Variants in RAPGEF5 observed in about 807,000 individuals in gnomAD.
RAPGEF5 encodes Rap guanine nucleotide exchange factor 5.
RAPGEF5 carries 65 observed loss-of-function variants against 125.2 expected under a neutral mutation model. The ratio of observed to expected loss-of-function variants is 0.52; its 90% CI spans 0.43 to 0.64. The LOEUF (loss-of-function observed/expected upper bound fraction) is 0.64. Among genes scored for constraint, RAPGEF5 ranks in the 30% least tolerant of loss-of-function variants. The pLI is 0.00. For synonymous variants in RAPGEF5, 391 were observed against 385.9 expected, an observed-to-expected ratio of 1.01 and a Z score of -0.16; for missense variants, 958 against 1,048.1, an observed-to-expected ratio of 0.91 and a Z score of 1.19.
intron 11 of RAPGEF5, chr7:22,191,519 C>T (rs1052478804): frequency 6.4e-6 from 3 of 469,098 alleles, no homozygotes; most frequent in Non-Finnish European, 1.3e-5. Context: ...GTGAGGTGAC[C>T]CCAACCAACC....
intron 1 of RAPGEF5, among the ~76,000 whole-genome samples, chr7:22,323,646 T>A (rs1401093449): frequency 3.3e-5 from 5 of 152,210 alleles, no homozygotes; most frequent in African/African-American, 7.2e-5. Context: ...TTCCTAGTTT[T>A]ATTAACAAGA....
chr7:22,154,704 C>CACAGAGATCTA, intron 16 of RAPGEF5, 100 bp from the exon 17 acceptor site: 2 of 1,334,986 alleles, frequency 1.5e-6, no homozygotes, highest in Non-Finnish European at 2.1e-6. Flanking sequence ...CTAAATCAAC[C>CACAGAGATCTA]CACCTGGCTA....
chr7:22,323,025 G>T (rs1261068158), intron 1 of RAPGEF5, among the ~76,000 whole-genome samples: 2 of 152,272 alleles, frequency 1.3e-5, no homozygotes, highest in South Asian at 4.1e-4. Flanking sequence ...ATGGGGATCC[G>T]TGGCTGAACC....
At chr7:22,334,258 T>C (rs185749690) in intron 1 of RAPGEF5, among the ~76,000 whole-genome samples, 33 of 145,536 alleles carry the variant, frequency 2.3e-4, no homozygotes, top group Non-Finnish European at 4.1e-4. Context: ...AACAAAACAA[T>C]AGGAGGAAAG....
intron 16 of RAPGEF5, 138 bp downstream of exon 16, chr7:22,156,672 A>G (rs1456120470): frequency 7.4e-7 from 1 of 1,351,588 alleles, no homozygotes; most frequent in East Asian, 2.5e-5. Context: ...AAGAAAAACC[A>G]TGCTGTTTGA....
intron 7 of RAPGEF5, among the ~76,000 whole-genome samples, chr7:22,265,594 T>C (rs1031519933): frequency 6.6e-6 from 1 of 152,174 alleles, no homozygotes; most frequent in African/African-American, 2.4e-5. Flanking sequence ...TACACTGATT[T>C]CCATGGGATT....
chr7:22,219,715 T>C, intron 9 of RAPGEF5, 151 bp downstream of exon 9: 1 of 1,090,182 alleles, frequency 9.2e-7, no homozygotes, highest in Non-Finnish European at 1.3e-6. Flanking sequence ...TGAGCAGCTG[T>C]CATTTTTACT....
At chr7:22,241,327 A>G (rs925494033) in intron 7 of RAPGEF5, among the ~76,000 whole-genome samples, 1 of 152,202 alleles carries the variant, frequency 6.6e-6, no homozygotes, top group African/African-American at 2.4e-5. Context: ...CAGTGGAGCC[A>G]CCAAGAATTC....
intron 9 of RAPGEF5, among the ~76,000 whole-genome samples, chr7:22,214,060 C>G (rs554381983): frequency 1.3e-5 from 2 of 152,292 alleles, no homozygotes; most frequent in African/African-American, 4.8e-5. Context: ...ATACTCCAAA[C>G]CACTTCTCCC....
intron 9 of RAPGEF5, among the ~76,000 whole-genome samples, chr7:22,209,463 T>C (rs1318559843): frequency 1.3e-5 from 2 of 152,210 alleles, no homozygotes; most frequent in Non-Finnish European, 2.9e-5. Context: ...AAAATTCTAC[T>C]CATACATATT....
intron 5 of RAPGEF5, among the ~76,000 whole-genome samples, chr7:22,305,532 A>C (rs1232848932): frequency 2.0e-5 from 3 of 152,168 alleles, no homozygotes; most frequent in African/African-American, 7.2e-5. Context: ...TATCCTCTCA[A>C]GCATTTATCC....
intron 6 of RAPGEF5, among the ~76,000 whole-genome samples, chr7:22,276,027 T>C (rs1041031727): frequency 6.6e-6 from 1 of 152,204 alleles, no homozygotes; most frequent in Non-Finnish European, 1.5e-5. Context: ...AACCTCTGAT[T>C]GGTAATTTCT....
chr7:22,266,647 C>T (rs899514191), intron 7 of RAPGEF5, among the ~76,000 whole-genome samples: 5 of 152,082 alleles, frequency 3.3e-5, no homozygotes, highest in African/African-American at 9.7e-5. Flanking sequence ...ACAAGGTGAT[C>T]GGCTTACTTT....
At chr7:22,169,757 G>A (rs541426122) in intron 11 of RAPGEF5, among the ~76,000 whole-genome samples, 31 of 147,172 alleles carry the variant, frequency 2.1e-4, no homozygotes, top group African/African-American at 7.7e-4. Context: ...CTACTCAGGA[G>A]GCTGAGGTAG....
At chr7:22,134,706 G>A (rs1783025659) in intron 23 of RAPGEF5, among the ~76,000 whole-genome samples, 1 of 152,088 alleles carries the variant, frequency 6.6e-6, no homozygotes. Flanking sequence ...ATGATCCCAA[G>A]TGTTACTTCC....
At chr7:22,251,679 T>G (rs1304956085) in intron 7 of RAPGEF5, among the ~76,000 whole-genome samples, 1 of 144,382 alleles carries the variant, frequency 6.9e-6, no homozygotes, top group African/African-American at 2.6e-5. Flanking sequence ...AATGAGGTAG[T>G]TCCACAAAAA....
chr7:22,290,981 T>C (rs1280168201), intron 6 of RAPGEF5, among the ~76,000 whole-genome samples, 194 bp downstream of exon 6: 1 of 152,108 alleles, frequency 6.6e-6, no homozygotes, highest in African/African-American at 2.4e-5. Flanking sequence ...ATATCTATGA[T>C]CTCATGAAGG....
intron 9 of RAPGEF5, among the ~76,000 whole-genome samples, chr7:22,211,336 G>T (rs7776500): frequency 0.054 from 8,246 of 152,260 alleles, 355 homozygotes; most frequent in South Asian, 0.16. Context: ...ACAGTAAGTT[G>T]TATTTAAAGC....
chr7:22,146,834 T>C, intron 19 of RAPGEF5, 63 bp downstream of exon 19: 2 of 1,553,100 alleles, frequency 1.3e-6, no homozygotes, highest in Non-Finnish European at 1.7e-6. Flanking sequence ...CGCATTGATA[T>C]TCTTCACAAA....
Sources: allele counts gnomAD v4.1 joint callset (sites outside exome capture counted in the v4.1 genomes callset), GRCh38; gene constraint gnomAD v4.1.1; transcripts MANE v1.5; gene names NCBI Gene and HGNC (gene_info 2026-07-23, HGNC 2026-07-21).